Variants in NTRK2 observed in about 807,000 individuals in gnomAD.
NTRK2 encodes neurotrophic receptor tyrosine kinase 2, also known as BDNF/NT-3 growth factors receptor.
NTRK2 carries 13 observed loss-of-function variants against 94.5 expected under a neutral mutation model. The observed-to-expected ratio is 0.14, with a 90% CI of 0.09 to 0.22. NTRK2 has a LOEUF of 0.22. NTRK2 is among the 10% of genes least tolerant of loss of function. The probability of loss-of-function intolerance (pLI) is 1.00; values close to 1 mark genes in which losing one functional copy is unlikely to be tolerated. For missense variants in NTRK2, 639 were observed against 1,071.2 expected (o/e 0.60, Z 5.63); for synonymous variants, 372 against 407.4 (o/e 0.91, Z 1.05).
At chr9:84,882,915 T>C (rs1050224182) in intron 14 of NTRK2, among the ~76,000 whole-genome samples, 5 of 152,186 alleles carry the variant, frequency 3.3e-5, no homozygotes, top group African/African-American at 1.2e-4. Flanking sequence ...AGACAGGCAC[T>C]ACCACACCCG....
rs544892458 is a variant in NTRK2, at chr9:84,843,646, G to A, written c.1397-17394G>A. 1.2e-4 allele frequency among the ~76,000 whole-genome samples: 19 copies of A among 152,298 alleles called. No homozygotes were observed. The East Asian group carries it at 3.5e-3, about 28-fold the overall frequency. ...GCCCTCAGTCAGAGAACTGTAGGGG[G>A]CACAAGTCAGGGAGTGTTGCAACGC... On this transcript the variant is annotated intron_variant, in intron 12 of 18. Coordinates refer to ENST00000277120, the MANE Select transcript of NTRK2 (RefSeq NM_006180.6).
chr9:84,872,373 AGTGTGT>A, intron 14 of NTRK2: 2 of 1,095,146 alleles, frequency 1.8e-6, no homozygotes, highest in Admixed American at 4.5e-5. Flanking sequence ...GAAGGGCAGG[AGTGTGT>A]TTTATCTTCT....
intron 2 of NTRK2, among the ~76,000 whole-genome samples, chr9:84,675,531 T>G (rs533201991): frequency 6.6e-6 from 1 of 152,214 alleles, no homozygotes; most frequent in African/African-American, 2.4e-5. Flanking sequence ...GGATGTGACA[T>G]GAAAGACCTG....
intron 12 of NTRK2, among the ~76,000 whole-genome samples, chr9:84,760,871 A>G (rs184218573): frequency 1.3e-5 from 2 of 152,340 alleles, no homozygotes; most frequent in East Asian, 3.9e-4. Flanking sequence ...TATAACTGCT[A>G]AAGTGATTTA....
At chr9:84,825,309 A>G (rs1159041046) in intron 12 of NTRK2, among the ~76,000 whole-genome samples, 1 of 152,126 alleles carries the variant, frequency 6.6e-6, no homozygotes, top group African/African-American at 2.4e-5. Flanking sequence ...TCTTCCCAAG[A>G]TGCAGGCTTG....
At chr9:84,884,980 A>G (rs1470686871) in intron 14 of NTRK2, among the ~76,000 whole-genome samples, 1 of 152,256 alleles carries the variant, frequency 6.6e-6, no homozygotes, top group East Asian at 1.9e-4. Flanking sequence ...TAAGAGTAGA[A>G]CATGTAAAAT....
chr9:84,846,929 T>C (rs1230886610), intron 12 of NTRK2, among the ~76,000 whole-genome samples: 1 of 152,184 alleles, frequency 6.6e-6, no homozygotes, highest in Non-Finnish European at 1.5e-5. Context: ...GAAGGCTAAT[T>C]AATGCATTCA....
intron 14 of NTRK2, chr9:84,875,954 T>C (rs1363465673): frequency 9.6e-7 from 1 of 1,039,362 alleles, no homozygotes; most frequent in Non-Finnish European, 1.2e-6. Context: ...ATTAGATATG[T>C]GTGATTTCAG....
chr9:84,936,577 A>G (rs1263418835), intron 15 of NTRK2, among the ~76,000 whole-genome samples: 1 of 152,222 alleles, frequency 6.6e-6, no homozygotes, highest in Non-Finnish European at 1.5e-5. Flanking sequence ...CCTAGGGCCT[A>G]GTCTTCACAT....
intron 12 of NTRK2, chr9:84,811,472 C>T (rs201339655): frequency 5.0e-5 from 53 of 1,065,338 alleles, no homozygotes; most frequent in Non-Finnish European, 5.1e-5. Flanking sequence ...TTGCCCTCTG[C>T]GATCCACCTG....
intron 12 of NTRK2, among the ~76,000 whole-genome samples, chr9:84,779,233 G>A (rs1039968616): frequency 2.6e-5 from 4 of 152,196 alleles, no homozygotes; most frequent in Admixed American, 2.6e-4. Flanking sequence ...GCCATTGGAA[G>A]CCTGGTGACA....
At chr9:84,857,377 C>G (rs2075118294) in intron 12 of NTRK2, among the ~76,000 whole-genome samples, 1 of 152,142 alleles carries the variant, frequency 6.6e-6, no homozygotes, top group Admixed American at 6.5e-5. Flanking sequence ...TCTTATTAAA[C>G]AGAAAATAAA....
chr9:84,921,275 C>T lies in NTRK2; in HGVS notation c.1634-12887C>T, dbSNP rs566106263. On this transcript the variant is annotated intron_variant, in intron 14 of 18. Coordinates refer to ENST00000277120, the MANE Select transcript of NTRK2 (RefSeq NM_006180.6). ...CAGTTCTTATTACTATCCTCAAAAGCTGAGTTTGTAGCATGGACTGCAAAG... is the reference window on the plus strand; with the variant it reads ...CAGTTCTTATTACTATCCTCAAAAGTTGAGTTTGTAGCATGGACTGCAAAG... Among the ~76,000 whole-genome samples the T allele has an allele frequency of 2.6e-5, 4 of 152,290 alleles. No individual in the cohort carries two copies. The East Asian group carries it at 7.7e-4, about 29-fold the overall frequency.
At chr9:84,860,938 T>A in intron 12 of NTRK2, 102 bp from the exon 13 acceptor site, 1 of 563,010 alleles carries the variant, frequency 1.8e-6, no homozygotes, top group Admixed American at 3.1e-5. Context: ...TTTATTTTTG[T>A]CGGGGGGAGT....
At chr9:84,934,736 C>T (rs1301858193) in intron 15 of NTRK2, among the ~76,000 whole-genome samples, 1 of 152,118 alleles carries the variant, frequency 6.6e-6, no homozygotes, top group African/African-American at 2.4e-5. Flanking sequence ...GCCTCTGTGC[C>T]ACTCAATTCT....
intron 12 of NTRK2, among the ~76,000 whole-genome samples, chr9:84,809,333 G>A (rs537113348): frequency 2.4e-4 from 36 of 151,108 alleles, no homozygotes; most frequent in South Asian, 8.3e-4. Flanking sequence ...TTATCACAGC[G>A]TCTACTGTTT....
intron 17 of NTRK2, among the ~76,000 whole-genome samples, chr9:85,019,570 G>T (rs1477175211): frequency 1.3e-5 from 2 of 152,212 alleles, no homozygotes; most frequent in African/African-American, 4.8e-5. Context: ...TTTATCTATT[G>T]TGGTAAATAA....
chr9:84,976,241 G>A (rs374307207), intron 17 of NTRK2, among the ~76,000 whole-genome samples: 27 of 152,168 alleles, frequency 1.8e-4, no homozygotes, highest in East Asian at 1.2e-3. Flanking sequence ...TTCTGGTGAG[G>A]GCTCTCTTCT....
intron 14 of NTRK2, among the ~76,000 whole-genome samples, chr9:84,901,684 C>T (rs1019893958): frequency 6.6e-6 from 1 of 152,018 alleles, no homozygotes; most frequent in South Asian, 2.1e-4. Flanking sequence ...AAATACTGCA[C>T]CTCCTAAAAT....
Sources: allele counts gnomAD v4.1 joint callset (sites outside exome capture counted in the v4.1 genomes callset), GRCh38; gene constraint gnomAD v4.1.1; transcripts MANE v1.5; gene names NCBI Gene and HGNC (gene_info 2026-07-23, HGNC 2026-07-21).